The following FUT8 variants were observed in gnomAD, a reference collection of about 807,000 sequenced individuals.
The protein encoded by FUT8 is alpha-(1,6)-fucosyltransferase.
FUT8 carries 29 observed loss-of-function variants against 71.3 expected under a neutral mutation model. That is an observed-to-expected ratio of 0.41 (90% CI 0.30 to 0.55). FUT8 has a LOEUF of 0.55. FUT8 is among the 20% of genes least tolerant of loss of function. The pLI is 0.34. For synonymous variants in FUT8, 254 were observed against 239.3 expected (o/e 1.06, Z -0.57); for missense variants, 544 against 702.1 (o/e 0.77, Z 2.55).
At chr14:65,656,938 C>G (rs975843976) in intron 6 of FUT8, among the ~76,000 whole-genome samples, 1 of 152,178 alleles carries the variant, frequency 6.6e-6, no homozygotes, top group African/African-American at 2.4e-5. Context: ...GCTGGGAAAA[C>G]TGGATATCCA....
intron 6 of FUT8, among the ~76,000 whole-genome samples, chr14:65,647,459 TGA>T (rs1280160180): frequency 1.3e-5 from 2 of 152,216 alleles, no homozygotes; most frequent in African/African-American, 4.8e-5. Context: ...AATGATAGTA[TGA>T]GAGGTGATTT....
At chr14:65,599,002 G>A (rs552503400) in intron 3 of FUT8, among the ~76,000 whole-genome samples, 2 of 152,134 alleles carry the variant, frequency 1.3e-5, no homozygotes, top group African/African-American at 4.8e-5. Context: ...CGTCAGCCAG[G>A]ATGGTCTCGA....
At chr14:65,711,596 T>C (rs914016980) in intron 7 of FUT8, among the ~76,000 whole-genome samples, 6 of 152,162 alleles carry the variant, frequency 3.9e-5, no homozygotes, top group Non-Finnish European at 8.8e-5. Context: ...CACCCCAGTT[T>C]TCCTTACATT....
At chr14:65,446,367 G>A (rs567181767) in intron 1 of FUT8, among the ~76,000 whole-genome samples, 1 of 152,202 alleles carries the variant, frequency 6.6e-6, no homozygotes, top group African/African-American at 2.4e-5. Context: ...CAAGGCAATA[G>A]GAAGTGTGTC....
chr14:65,374,132 A>T, the FUT8 span, among the ~76,000 whole-genome samples: 1 of 152,022 alleles, frequency 6.6e-6, no homozygotes, highest in African/African-American at 2.4e-5. Flanking sequence ...CTTTCTCTTA[A>T]TATTGTTTAT....
chr14:65,543,555 A>T (rs1199215615), intron 2 of FUT8, among the ~76,000 whole-genome samples: 1 of 152,158 alleles, frequency 6.6e-6, no homozygotes, highest in East Asian at 1.9e-4. Flanking sequence ...AAAAAAACAT[A>T]GAGTGTTGTA....
chr14:65,433,792 C>CTT (rs2065512777), intron 1 of FUT8, among the ~76,000 whole-genome samples: 1 of 63,948 alleles, frequency 1.6e-5, no homozygotes, highest in African/African-American at 3.2e-5. Context: ...TCTCTTCTCT[C>CTT]TCTCTCTCTC....
chr14:65,407,490 A>G (rs901737347), upstream of FUT8, among the ~76,000 whole-genome samples: 1 of 151,382 alleles, frequency 6.6e-6, no homozygotes, highest in Non-Finnish European at 1.5e-5. Context: ...AAATAGAGAC[A>G]GGGGTCTTGC....
intron 3 of FUT8, among the ~76,000 whole-genome samples, chr14:65,599,021 C>G (rs1300274977): frequency 6.6e-6 from 1 of 152,068 alleles, no homozygotes; most frequent in Non-Finnish European, 1.5e-5. Flanking sequence ...GATCTCCTGA[C>G]CTCGTGATCT....
At chr14:65,671,439 A>G (rs1390843808) in intron 7 of FUT8, among the ~76,000 whole-genome samples, 1 of 152,146 alleles carries the variant, frequency 6.6e-6, no homozygotes, top group Admixed American at 6.5e-5. Context: ...TTCTTTATTC[A>G]TCTGGAATCA....
chr14:65,597,874 A>G (rs1303218118), intron 3 of FUT8, among the ~76,000 whole-genome samples: 1 of 152,064 alleles, frequency 6.6e-6, no homozygotes, highest in African/African-American at 2.4e-5. Context: ...AATATGTTTT[A>G]ATTTAAGCTG....
At chr14:65,608,344 G>T (rs910477864) in intron 3 of FUT8, among the ~76,000 whole-genome samples, 19 of 151,652 alleles carry the variant, frequency 1.3e-4, no homozygotes, top group Non-Finnish European at 2.7e-4. Flanking sequence ...CAATGTTCAT[G>T]GCATAATTGT....
chr14:65,573,941 A>G (rs1886623643), intron 3 of FUT8, among the ~76,000 whole-genome samples: 1 of 152,168 alleles, frequency 6.6e-6, no homozygotes, highest in African/African-American at 2.4e-5. Flanking sequence ...ACTATCACAC[A>G]GTTTCTGTGG....
chr14:65,602,890 C>A (rs1888383350), intron 3 of FUT8, among the ~76,000 whole-genome samples: 1 of 151,706 alleles, frequency 6.6e-6, no homozygotes, highest in Admixed American at 6.6e-5. Context: ...GCTGTGGATT[C>A]TGTATATTAG....
At chr14:65,426,966 C>G (rs564641367) in intron 1 of FUT8, among the ~76,000 whole-genome samples, 1 of 152,112 alleles carries the variant, frequency 6.6e-6, no homozygotes, top group African/African-American at 2.4e-5. Context: ...TCAGGCCATT[C>G]TCTTGCCTCA....
chr14:65,377,347 G>C, the FUT8 span, among the ~76,000 whole-genome samples: 2 of 152,190 alleles, frequency 1.3e-5, no homozygotes, highest in East Asian at 3.8e-4. Context: ...ACTAAGGTCA[G>C]TAAATGGGGA....
chr14:65,499,472 A>G (rs999957005), intron 2 of FUT8, among the ~76,000 whole-genome samples: 2 of 152,046 alleles, frequency 1.3e-5, no homozygotes, highest in African/African-American at 4.8e-5. Flanking sequence ...ATAACTAATT[A>G]TTAATAAATA....
At chr14:65,425,967 ACT>A (rs2065380051) in intron 1 of FUT8, among the ~76,000 whole-genome samples, 1 of 146,210 alleles carries the variant, frequency 6.8e-6, no homozygotes, top group East Asian at 2.0e-4. Context: ...ACAGTGCAAG[ACT>A]CTGTCTCAAA....
chr14:65,633,548 C>T (rs1234323797), intron 6 of FUT8, among the ~76,000 whole-genome samples: 5 of 150,354 alleles, frequency 3.3e-5, no homozygotes, highest in East Asian at 1.9e-4. Flanking sequence ...CGCCTCTTCC[C>T]GGCCACCATC....
Sources: gnomAD v4.1 joint callset for allele counts (sites outside exome capture counted in the v4.1 genomes callset) on GRCh38, gnomAD v4.1.1 for gene constraint, MANE v1.5 for transcripts, NCBI Gene and HGNC (gene_info 2026-07-23, HGNC 2026-07-21) for gene names.